COL26A1: variants seen among roughly 807,000 people sequenced by gnomAD.
COL26A1 encodes the protein collagen alpha-1(XXVI) chain.
A neutral mutation model predicts 59.3 loss-of-function variants in COL26A1; 41 were observed. The observed-to-expected ratio is 0.69, with a 90% CI of 0.54 to 0.90. The LOEUF (loss-of-function observed/expected upper bound fraction) is 0.90. Ranked by LOEUF, COL26A1 falls within the 40% of genes least tolerant of loss-of-function variation. The pLI is 0.00. For synonymous variants in COL26A1, 266 were observed against 256.0 expected (o/e 1.04, Z -0.37); for missense variants, 612 against 602.3 (o/e 1.02, Z -0.17).
intron 1 of COL26A1, among the ~76,000 whole-genome samples, chr7:101,410,579 T>C (rs191637001): frequency 9.9e-5 from 15 of 152,268 alleles, no homozygotes; most frequent in Admixed American, 9.2e-4. Context: ...AAAAAATATA[T>C]AACAAACATC....
chr7:101,534,606 T>C (rs1675111710), intron 4 of COL26A1, among the ~76,000 whole-genome samples: 1 of 150,242 alleles, frequency 6.7e-6, no homozygotes, highest in South Asian at 2.1e-4. Context: ...TACTCAGGCA[T>C]ACATACACAC....
intron 1 of COL26A1, among the ~76,000 whole-genome samples, chr7:101,383,026 A>G (rs1171895288): frequency 6.6e-6 from 1 of 151,872 alleles, no homozygotes. Context: ...TGGGTGACAG[A>G]GCAAGATCCT....
chr7:101,504,316 C>G (rs936676798), intron 3 of COL26A1, among the ~76,000 whole-genome samples: 3 of 151,978 alleles, frequency 2.0e-5, no homozygotes, highest in African/African-American at 4.8e-5. Context: ...GGCCAGGCTG[C>G]TCTCAAACTC....
chr7:101,443,480 C>T (rs6961305), intron 2 of COL26A1, among the ~76,000 whole-genome samples: 5,836 of 152,244 alleles, frequency 0.038, 210 homozygotes, highest in African/African-American at 0.084. Context: ...CGTCTCCAAA[C>T]GTCGCGCCTG....
chr7:101,454,736 C>T (rs1339171755), intron 3 of COL26A1, among the ~76,000 whole-genome samples: 6 of 152,166 alleles, frequency 3.9e-5, no homozygotes, highest in Middle Eastern at 3.4e-3. Context: ...AGATAAGCCT[C>T]GTTCAGGCAT....
intron 5 of COL26A1, among the ~76,000 whole-genome samples, chr7:101,543,187 T>C (rs28674048): frequency 0.32 from 49,147 of 151,244 alleles, 8,640 homozygotes; most frequent in African/African-American, 0.44. Flanking sequence ...TTTTTTTTTT[T>C]CTGAGACGGT....
chr7:101,528,559 C>A (rs1209476173), intron 3 of COL26A1, among the ~76,000 whole-genome samples: 1 of 151,750 alleles, frequency 6.6e-6, no homozygotes, highest in Admixed American at 6.6e-5. Context: ...CCCTTCCCCT[C>A]CCCTCTCTGA....
intron 1 of COL26A1, among the ~76,000 whole-genome samples, chr7:101,375,499 C>T (rs1327615357): frequency 1.3e-5 from 2 of 151,598 alleles, no homozygotes; most frequent in Non-Finnish European, 2.9e-5. Context: ...AGTTCGAGAC[C>T]AGCCCGGGCA....
intron 1 of COL26A1, among the ~76,000 whole-genome samples, chr7:101,408,425 T>C (rs1211890347): frequency 6.6e-6 from 1 of 152,158 alleles, no homozygotes; most frequent in Non-Finnish European, 1.5e-5. Context: ...GCTGGGACCT[T>C]GGATGAGGTG....
chr7:101,458,631 G>T (rs1397211718), intron 3 of COL26A1, among the ~76,000 whole-genome samples: 1 of 148,140 alleles, frequency 6.8e-6, no homozygotes, highest in Non-Finnish European at 1.5e-5. Context: ...CCTGGGCAAT[G>T]TGAGTGAAAA....
At chr7:101,555,495 T>C (rs1352076143) in intron 11 of COL26A1, among the ~76,000 whole-genome samples, 1 of 152,190 alleles carries the variant, frequency 6.6e-6, no homozygotes, top group African/African-American at 2.4e-5. Flanking sequence ...GGCTGGAGGC[T>C]GACAGGTGTG....
intron 3 of COL26A1, among the ~76,000 whole-genome samples, chr7:101,481,448 AT>A (rs1466824481): frequency 6.5e-3 from 301 of 46,474 alleles, no homozygotes; most frequent in Non-Finnish European, 0.012. Flanking sequence ...ATCTCCCAAA[AT>A]ATATATATAT....
intron 2 of COL26A1, among the ~76,000 whole-genome samples, chr7:101,425,522 A>T (rs1584396835): frequency 6.6e-6 from 1 of 151,728 alleles, no homozygotes; most frequent in Non-Finnish European, 1.5e-5. Flanking sequence ...TTTTAGATGG[A>T]GTCTCATTCT....
At chr7:101,368,774 C>G (rs1791108874) in intron 1 of COL26A1, among the ~76,000 whole-genome samples, 1 of 152,116 alleles carries the variant, frequency 6.6e-6, no homozygotes, top group Non-Finnish European at 1.5e-5. Context: ...ACCCCAACCT[C>G]CAGAGTCAAG....
At chr7:101,476,989 A>G (rs966023113) in intron 3 of COL26A1, among the ~76,000 whole-genome samples, 3 of 151,670 alleles carry the variant, frequency 2.0e-5, no homozygotes, top group Non-Finnish European at 4.4e-5. Flanking sequence ...GATTACAGGC[A>G]TGCACCACCA....
chr7:101,443,179 A>C (rs146626090), intron 2 of COL26A1, among the ~76,000 whole-genome samples: 1 of 151,750 alleles, frequency 6.6e-6, no homozygotes, highest in East Asian at 1.9e-4. Context: ...CCTCTTTCCA[A>C]CCCCCCATCC....
At chr7:101,389,783 C>T (rs1336124835) in intron 1 of COL26A1, among the ~76,000 whole-genome samples, 2 of 152,048 alleles carry the variant, frequency 1.3e-5, no homozygotes, top group African/African-American at 2.4e-5. Flanking sequence ...GAACTCCCAA[C>T]CTCAGGTGAT....
chr7:101,453,369 A>G (rs1793389901), intron 3 of COL26A1, among the ~76,000 whole-genome samples: 1 of 150,140 alleles, frequency 6.7e-6, no homozygotes, highest in South Asian at 2.1e-4. Flanking sequence ...CCTGTCTCAA[A>G]AAGGAAAAGA....
At chr7:101,489,984 T>G (rs1006508061) in intron 3 of COL26A1, among the ~76,000 whole-genome samples, 3 of 148,118 alleles carry the variant, frequency 2.0e-5, no homozygotes, top group African/African-American at 7.5e-5. Context: ...TTGCCCAGGC[T>G]GGAGTGCAAT....
Sources: allele counts gnomAD v4.1 joint callset (sites outside exome capture counted in the v4.1 genomes callset), GRCh38; gene constraint gnomAD v4.1.1; transcripts MANE v1.5; gene names NCBI Gene and HGNC (gene_info 2026-07-23, HGNC 2026-07-21).